Variants in YES1 observed in about 807,000 individuals in gnomAD.
YES1 encodes YES proto-oncogene 1, Src family tyrosine kinase.
In YES1, 39 loss-of-function variants were observed where a neutral mutation model predicts 70.4. The ratio of observed to expected loss-of-function variants is 0.55; its 90% CI spans 0.43 to 0.72. The LOEUF is 0.72. Ranked by LOEUF, YES1 falls within the 30% of genes least tolerant of loss-of-function variation. The pLI is 0.00. For synonymous variants in YES1, 198 were observed against 218.6 expected, an observed-to-expected ratio of 0.91 and a Z score of 0.83; for missense variants, 495 against 644.8, an observed-to-expected ratio of 0.77 and a Z score of 2.52.
At chr18:757,276 G>A (rs1285558589) in intron 1 of YES1, among the ~76,000 whole-genome samples, 3 of 152,188 alleles carry the variant, frequency 2.0e-5, no homozygotes, top group African/African-American at 4.8e-5. Flanking sequence ...GGCCAAGGCG[G>A]GCGGATCACG....
At chr18:807,748 G>A (rs1375879577) in intron 1 of YES1, among the ~76,000 whole-genome samples, 1 of 152,132 alleles carries the variant, frequency 6.6e-6, no homozygotes, top group Admixed American at 6.5e-5. Flanking sequence ...CAGCCACCAC[G>A]GATATGCAAT....
At chr18:731,620 G>A (rs1485520120) in intron 11 of YES1, among the ~76,000 whole-genome samples, 2 of 152,138 alleles carry the variant, frequency 1.3e-5, no homozygotes, top group South Asian at 2.1e-4. Flanking sequence ...AATACTGATC[G>A]CTGAATTTCA....
chr18:725,462 T>C (rs1435134934), intron 11 of YES1, among the ~76,000 whole-genome samples: 4 of 152,196 alleles, frequency 2.6e-5, no homozygotes, highest in African/African-American at 9.7e-5. Flanking sequence ...AGTTATTTTT[T>C]TGAGGAATAA....
intron 1 of YES1, among the ~76,000 whole-genome samples, chr18:811,174 C>G (rs912325105): frequency 1.3e-5 from 2 of 152,182 alleles, no homozygotes; most frequent in African/African-American, 4.8e-5. Context: ...AAAACACACA[C>G]CCGTGGAACG....
At chr18:736,655 A>G in intron 10 of YES1, 153 bp downstream of exon 10, 1 of 1,011,930 alleles carries the variant, frequency 9.9e-7, no homozygotes, top group Non-Finnish European at 1.4e-6. Context: ...TCAGAAAGCC[A>G]CAGCAGTACA....
Position 745,840 on chromosome 18 carries a change from T to C in YES1, c.592A>G (p.Ile198Val), listed in dbSNP as rs34580680. 1.2e-3 allele frequency: 1,891 copies of C among 1,612,402 alleles called. 25 individuals carry two copies. The East Asian group carries it at 0.023, about 19-fold the overall frequency. ...ETTKGAYSLS[I>V]RDWDEIRGDN... is the part of the protein sequence containing the mutation. Reference sequence around the variant, plus strand: ...CCCCTTATCTCATCCCAATCACGAATAGAAAGGGAATAAGCACCTGGGTGA... The same window carrying C: ...CCCCTTATCTCATCCCAATCACGAACAGAAAGGGAATAAGCACCTGGGTGA... The change falls in exon 6 of 12, where the codon ATT becomes GTT. Residue 198 changes from isoleucine (I) to valine (V), a missense_variant. Around this residue, in one of 2 missense-constraint regions of YES1, gnomAD observed 385 missense variants for 540.9 expected, o/e 0.71. Transcript: ENST00000314574.
At chr18:766,160 A>G (rs984763626) in intron 1 of YES1, among the ~76,000 whole-genome samples, 3 of 152,212 alleles carry the variant, frequency 2.0e-5, no homozygotes, top group African/African-American at 4.8e-5. Flanking sequence ...GGGGAGGCTC[A>G]GTGCCTATCC....
At chr18:788,490 T>C (rs1298407071) in intron 1 of YES1, among the ~76,000 whole-genome samples, 1 of 152,218 alleles carries the variant, frequency 6.6e-6, no homozygotes, top group East Asian at 1.9e-4. Context: ...AAATAAAACC[T>C]TTTGATTTTC....
chr18:732,143 A>T (rs1009293714), intron 11 of YES1, among the ~76,000 whole-genome samples: 2 of 150,736 alleles, frequency 1.3e-5, no homozygotes, highest in Non-Finnish European at 3.0e-5. Flanking sequence ...GTACATATTT[A>T]AAAAAATATA....
intron 1 of YES1, among the ~76,000 whole-genome samples, chr18:757,793 G>C (rs1226874893): frequency 6.6e-6 from 1 of 151,580 alleles, no homozygotes; most frequent in African/African-American, 2.4e-5. Context: ...GTGCACTCCA[G>C]CCTGGGTGAC....
At chr18:773,838 CT>C (rs34302612) in intron 1 of YES1, among the ~76,000 whole-genome samples, 53,880 of 148,036 alleles carry the variant, frequency 0.36, 10,507 homozygotes, top group African/African-American at 0.51. Context: ...ACACTTTTCC[CT>C]TTTTTTTTTT....
intron 1 of YES1, among the ~76,000 whole-genome samples, chr18:779,455 ATAGAT>A (rs1555689580): frequency 6.6e-6 from 1 of 151,490 alleles, no homozygotes; most frequent in Non-Finnish European, 1.5e-5. Context: ...TTTTTTTGTT[ATAGAT>A]TATAGTAACA....
At chr18:765,148 G>A (rs1389227098) in intron 1 of YES1, among the ~76,000 whole-genome samples, 3 of 150,504 alleles carry the variant, frequency 2.0e-5, no homozygotes, top group South Asian at 2.1e-4. Context: ...GACAGGGAGA[G>A]AAATTAGGAA....
intron 1 of YES1, among the ~76,000 whole-genome samples, chr18:760,713 A>T (rs892902578): frequency 2.0e-5 from 3 of 152,200 alleles, no homozygotes; most frequent in Non-Finnish European, 4.4e-5. Context: ...GTTGCTTCTA[A>T]AAGTATTAGA....
intron 1 of YES1, among the ~76,000 whole-genome samples, chr18:807,088 G>C (rs779987386): frequency 2.6e-5 from 4 of 152,090 alleles, no homozygotes; most frequent in Non-Finnish European, 5.9e-5. Flanking sequence ...TGGACAACAC[G>C]GTGAGACCCC....
At chr18:747,360 T>C (rs1035631165) in intron 4 of YES1, among the ~76,000 whole-genome samples, 2 of 152,088 alleles carry the variant, frequency 1.3e-5, no homozygotes, top group African/African-American at 4.8e-5. Flanking sequence ...TCCCAGCTAC[T>C]TGGGAGGCTG....
rs1404239381 is a variant in YES1, at chr18:756,574, T to C, written c.254A>G (p.Tyr85Cys). The part of the protein sequence containing the change: ...SSSFSVVPSS[Y>C]PAGLTGGVTI... The stretch of plus-strand genomic sequence containing the variant: ...AATCTCACCTGTTAAACCAGCAGGA[T>C]ATGAACTTGGCACCACTGAAAATGA... The change falls in exon 2 of 12, where the codon TAT (tyrosine) becomes TGT (cysteine). Residue 85 changes from tyrosine to cysteine, a missense_variant. Physicochemically the swap from Tyr to Cys is radical, Grantham distance 194. Around this residue, in one of 2 missense-constraint regions of YES1, gnomAD observed 110 missense variants for 104.0 expected, o/e 1.06. Coordinates refer to ENST00000314574, the MANE Select transcript of YES1 (RefSeq NM_005433.4). The C allele has an allele frequency of 1.2e-6, 2 of 1,614,190 alleles. No homozygotes were observed. Among genetic ancestry groups the C allele is most frequent in the South Asian group, 1.1e-5 (1 of 91,084 alleles).
intron 1 of YES1, among the ~76,000 whole-genome samples, chr18:765,137 A>G (rs1271049561): frequency 2.0e-5 from 3 of 151,096 alleles, no homozygotes; most frequent in Non-Finnish European, 4.4e-5. Context: ...TACAAGCATA[A>G]GACAGGGAGA....
chr18:811,967 G>C (rs558169850), intron 1 of YES1, 147 bp downstream of exon 1: 2 of 166,172 alleles, frequency 1.2e-5, no homozygotes, highest in African/African-American at 4.8e-5. Context: ...CGGGGGAGGG[G>C]AGAAGTTTCT....
Sources: allele counts gnomAD v4.1 joint callset (sites outside exome capture counted in the v4.1 genomes callset), GRCh38; gene constraint gnomAD v4.1.1; regional missense constraint gnomAD v4.1.1; transcripts MANE v1.5; gene names NCBI Gene and HGNC (gene_info 2026-07-23, HGNC 2026-07-21).